The following ARX variants were observed in gnomAD, a reference collection of about 807,000 sequenced individuals.
ARX encodes homeobox protein ARX.
ARX carries 1 observed loss-of-function variant against 23.1 expected under a neutral mutation model. The ratio of observed to expected loss-of-function variants is 0.04; its 90% CI spans 0.02 to 0.21. The LOEUF is 0.21. Ranked by LOEUF, ARX falls within the 10% of genes least tolerant of loss-of-function variation. The pLI is 1.00. For missense variants in ARX, 380 were observed against 527.5 expected (o/e 0.72, Z 2.74); for synonymous variants, 301 against 270.1 (o/e 1.11, Z -1.12).
intron 2 of ARX, among the ~76,000 whole-genome samples, chrX:25,012,582 T>G (rs1202838552): frequency 8.8e-6 from 1 of 113,243 alleles, no homozygotes; most frequent in Admixed American, 9.2e-5. Flanking sequence ...TGCCCTCTGC[T>G]GTGCGCGCGT....
chrX:25,009,851 C>T (rs1399484522), intron 3 of ARX, among the ~76,000 whole-genome samples: 1 of 111,484 alleles, frequency 9.0e-6, no homozygotes, highest in Non-Finnish European at 1.9e-5. Flanking sequence ...GAGACTTAAT[C>T]GCAGCCAAAT....
At chrX:25,014,496 C>T (rs1601949127) in intron 1 of ARX, among the ~76,000 whole-genome samples, 1 of 112,808 alleles carries the variant, frequency 8.9e-6, no homozygotes, top group East Asian at 2.8e-4. Flanking sequence ...GTGCAGGCCG[C>T]GCCCCAACAG....
In ARX at chrX:25,013,318, T is replaced by C; in HGVS notation, c.677A>G (p.Asp226Gly). ...TTCGTCCTCCAGCAGCTCCTCCTCGTCGTCCTCGGTGCCGGTGCCACCACC... is the reference window on the plus strand; with the variant it reads ...TTCGTCCTCCAGCAGCTCCTCCTCGCCGTCCTCGGTGCCGGTGCCACCACC... ...AAGGGTGTED[D>G]EEELLEDEED... The change falls in exon 2 of 5, where the codon GAC becomes GGC. Residue 226 changes from aspartate (D) to glycine (G), a missense_variant. Transcript: ENST00000379044. The C allele has an allele frequency of 8.7e-7, 1 of 1,154,265 alleles. No individual in the cohort carries two copies.
At chrX:25,014,389 G>A (rs747379426) in intron 1 of ARX, among the ~76,000 whole-genome samples, 1 of 112,775 alleles carries the variant, frequency 8.9e-6, no homozygotes, top group Non-Finnish European at 1.9e-5. Flanking sequence ...ACCTCTGCCC[G>A]CTGCTCCACC....
At chrX:25,013,891 G>A in intron 1 of ARX, 93 bp from the exon 2 acceptor site, 1 of 854,350 alleles carries the variant, frequency 1.2e-6, no homozygotes, top group Non-Finnish European at 1.4e-6. Context: ...CTCCCCCAGT[G>A]CCTAGGCCCA....
chrX:25,005,598 G>A (rs1372672791), intron 4 of ARX, among the ~76,000 whole-genome samples: 2 of 112,514 alleles, frequency 1.8e-5, no homozygotes, highest in South Asian at 7.3e-4. Context: ...CCACGGGCGG[G>A]TGTCACCTGC....
chrX:25,013,256 C>G lies in ARX; in HGVS notation c.739G>C (p.Asp247His), dbSNP rs765259012. The change falls in exon 2 of 5, where the codon GAC (aspartate) becomes CAC (histidine). Residue 247 changes from aspartate (D) to histidine (H), a missense_variant. Coordinates refer to ENST00000379044, the MANE Select transcript of ARX (RefSeq NM_139058.3). ...TCGTCCTCCAGCAGCTCCTCCTCGT[C>G]GTCCTCCAGCAGTTCCTCTTCCTCG... ...EDEEEELLED[D>H]EEELLEDDAR... The G allele has an allele frequency of 1.7e-6, 2 of 1,154,807 alleles. No homozygotes were observed. The highest frequency in any genetic ancestry group is 5.1e-5 in the Admixed American group (2 of 39,151).
At chrX:25,009,821 G>T (rs2048694283) in intron 3 of ARX, among the ~76,000 whole-genome samples, 1 of 111,873 alleles carries the variant, frequency 8.9e-6, no homozygotes, top group African/African-American at 3.3e-5. Context: ...CACTAAGTGG[G>T]CTTTTATGAA....
chrX:25,004,664 C>T lies in ARX; in HGVS notation c.*6G>A, dbSNP rs1399642878. 1 of 1,164,521 alleles carries T rather than the reference C, an allele frequency of 8.6e-7. No homozygotes were observed. ...GCGCGCGGGGCGCGGGTGTGGAGGG[C>T]AGCCTTTAGCACACCTCCTTGCCCG... On this transcript the variant is annotated 3_prime_UTR_variant, in exon 5 of 5. Transcript: ENST00000379044.
rs1183516776 is a variant in ARX at position 25,013,331 on chromosome X, C to T, written c.664G>A (p.Gly222Ser). The T allele has an allele frequency of 4.6e-5, 53 of 1,150,441 alleles. No individual in the cohort carries two copies. Among genetic ancestry groups the T allele is most frequent in the Non-Finnish European group, 5.4e-5 (47 of 870,819 alleles). The allele number at this position is 1,150,441 out of a possible 1,213,427, so 94.8% of individuals were successfully genotyped here. ...GSAPAAGGGT[G>S]TEDDEEELLE... is the part of the protein sequence containing the mutation. ...AGCTCCTCCTCGTCGTCCTCGGTGC[C>T]GGTGCCACCACCCGCAGCCGGGGCG... The change falls in exon 2 of 5, where the codon GGC becomes AGC. Residue 222 changes from glycine (G) to serine (S), a missense_variant. Around this residue, in one of 3 missense-constraint regions of ARX, gnomAD observed 235 missense variants for 270.2 expected, o/e 0.87. Transcript: ENST00000379044.
In ARX at chrX:25,003,944, G is replaced by C. The variant is rs1259485650; in HGVS notation, c.*726C>G. ...ACAAACTTTTACCATACCACGCTGAGTGCAATTGCGTTATAACATTTCAAA... is the reference window on the plus strand; with the variant it reads ...ACAAACTTTTACCATACCACGCTGACTGCAATTGCGTTATAACATTTCAAA... On this transcript the variant is annotated 3_prime_UTR_variant, in exon 5 of 5. Transcript: ENST00000379044. 9.2e-6 allele frequency: 1 copy of C among 108,361 alleles called. No homozygotes were observed. The highest frequency in any genetic ancestry group is 4.1e-4 in the South Asian group (1 of 2,468). The allele number at this position is 108,361 out of a possible 1,213,427, so 8.9% of individuals were successfully genotyped here. A position where few individuals can be genotyped will look rare whatever the true frequency, so the allele number is the denominator to read the frequency against.
Position 25,004,586 on chromosome X carries a change from CCT to C in ARX, c.*82_*83del, listed in dbSNP as rs2048668201. 8.7e-7 allele frequency: 1 copy of C among 1,149,668 alleles called. No homozygotes were observed. Among genetic ancestry groups the C allele is most frequent in the Non-Finnish European group, 1.2e-6 (1 of 864,915 alleles). 94.7% of individuals were successfully genotyped at this position (1,149,668 alleles called of 1,213,427 possible). On this transcript the variant is annotated 3_prime_UTR_variant, in exon 5 of 5. Transcript: ENST00000379044. ...AGTGCCGTCTCGGGAGTGTGCTGGT[CCT>C]CTGTTTCCATTTGGTCTTGAGTGGT... is the stretch of plus-strand genomic sequence containing the variant.
At position 25,004,264 on chromosome X, in the gene ARX, A is replaced by G. The variant is rs2048666768; in HGVS notation, c.*406T>C. 1 of 146,048 alleles carries G rather than the reference A, an allele frequency of 6.8e-6. No homozygotes were observed. Among genetic ancestry groups the G allele is most frequent in the Non-Finnish European group, 1.3e-5 (1 of 75,689 alleles). 12.0% of individuals were successfully genotyped at this position (146,048 alleles called of 1,213,427 possible). ...TTCGAGCGCCAAAATGCTATTTAAAAAAAAAAAAGAAAGAAAGAAAGAAAG... is the reference window on the plus strand; with the variant it reads ...TTCGAGCGCCAAAATGCTATTTAAAGAAAAAAAAGAAAGAAAGAAAGAAAG... On this transcript the variant is annotated 3_prime_UTR_variant, in exon 5 of 5. Transcript: ENST00000379044.
chrX:25,011,436 C>T (rs1002648579), intron 2 of ARX, among the ~76,000 whole-genome samples: 26 of 113,104 alleles, frequency 2.3e-4, no homozygotes, highest in African/African-American at 8.3e-4. Context: ...CCCCTAAGCC[C>T]GCCAGAAGCT....
At chrX:25,007,003 A>G (rs1344482539) in intron 4 of ARX, 108 bp downstream of exon 4, 2 of 961,635 alleles carry the variant, frequency 2.1e-6, no homozygotes, top group Non-Finnish European at 1.4e-6. Flanking sequence ...GGTTGGGTCA[A>G]AGAAAAAGAT....
chrX:25,012,085 C>G (rs983271027), intron 2 of ARX, among the ~76,000 whole-genome samples: 2 of 112,609 alleles, frequency 1.8e-5, no homozygotes, highest in Admixed American at 1.9e-4. Context: ...GGAGGTGGAG[C>G]GTGACCAGGT....
At chrX:25,011,650 G>A (rs901732068) in intron 2 of ARX, among the ~76,000 whole-genome samples, 4 of 113,239 alleles carry the variant, frequency 3.5e-5, no homozygotes, top group Admixed American at 9.2e-5. Context: ...GGATGACCAG[G>A]TTTAAGTGCC....
chrX:25,010,421 C>T, intron 2 of ARX, 116 bp from the exon 3 acceptor site: 3 of 870,437 alleles, frequency 3.4e-6, no homozygotes. Flanking sequence ...GCTGCCTGCC[C>T]CCCACCCCCA....
At position 25,004,553 on chromosome X, in the gene ARX, G is replaced by A; in HGVS notation, c.*117C>T. The A allele has an allele frequency of 2.7e-6, 3 of 1,113,697 alleles. No homozygotes were observed. Among genetic ancestry groups the A allele is most frequent in the Non-Finnish European group, 1.2e-6 (1 of 837,321 alleles). 91.8% of individuals were successfully genotyped at this position (1,113,697 alleles called of 1,213,427 possible). On this transcript the variant is annotated 3_prime_UTR_variant, in exon 5 of 5. Coordinates refer to ENST00000379044, the MANE Select transcript of ARX (RefSeq NM_139058.3). ...TCCAGACTGCTGTGAAGGCGGCTGC[G>A]CTCTCTCAGTGCCGTCTCGGGAGTG...
Sources: allele counts gnomAD v4.1 joint callset (sites outside exome capture counted in the v4.1 genomes callset), GRCh38; gene constraint gnomAD v4.1.1; regional missense constraint gnomAD v4.1.1; transcripts MANE v1.5; gene names NCBI Gene and HGNC (gene_info 2026-07-23, HGNC 2026-07-21).